Variants in C20orf203 observed in about 807,000 individuals in gnomAD.
C20orf203 encodes uncharacterized protein C20orf203.
A neutral mutation model predicts 15.9 loss-of-function variants in C20orf203; 16 were observed. The ratio of observed to expected loss-of-function variants is 1.01; its 90% confidence interval spans 0.68 to 1.53. The LOEUF (loss-of-function observed/expected upper bound fraction) is 1.53, where lower values mean the gene tolerates loss of function less well. Ranked by LOEUF, C20orf203 falls within the 40% of genes most tolerant of loss-of-function variation. The pLI is 0.00. For missense variants in C20orf203, 263 were observed against 247.5 expected (o/e 1.06, Z -0.42); for synonymous variants, 98 against 97.2 (o/e 1.01, Z -0.05).
At chr20:32,663,199 C>T (rs960678708) in intron 1 of C20orf203, among the ~76,000 whole-genome samples, 6 of 151,966 alleles carry the variant, frequency 3.9e-5, no homozygotes, top group African/African-American at 7.2e-5. Context: ...CCACCCACCT[C>T]GGCCTCCCGA....
chr20:32,658,823 G>A (rs1453178831), intron 1 of C20orf203, among the ~76,000 whole-genome samples: 1 of 151,956 alleles, frequency 6.6e-6, no homozygotes, highest in African/African-American at 2.4e-5. Context: ...TTGGCGTCCA[G>A]GGCTGATTCA....
chr20:32,640,928 AT>A (rs1296469872), intron 4 of C20orf203, among the ~76,000 whole-genome samples: 1 of 152,108 alleles, frequency 6.6e-6, no homozygotes, highest in African/African-American at 2.4e-5. Context: ...ACTTGGCATA[AT>A]GTTCTCAAGC....
At chr20:32,659,310 A>T (rs1489132060) in intron 1 of C20orf203, among the ~76,000 whole-genome samples, 1 of 152,198 alleles carries the variant, frequency 6.6e-6, no homozygotes, top group Non-Finnish European at 1.5e-5. Context: ...ACAATTCACC[A>T]AGGAGGAGAA....
At chr20:32,634,971 G>A (rs111774061) in intron 5 of C20orf203, among the ~76,000 whole-genome samples, 29,116 of 150,976 alleles carry the variant, frequency 0.19, 3,452 homozygotes, top group Middle Eastern at 0.27. Flanking sequence ...AGGCCAAGGT[G>A]GGCGGATCAC....
chr20:32,658,631 T>C (rs1982817567), intron 1 of C20orf203, among the ~76,000 whole-genome samples: 1 of 152,178 alleles, frequency 6.6e-6, no homozygotes, highest in African/African-American at 2.4e-5. Context: ...AATTTTCCAA[T>C]TTTTGTTACT....
rs1046928733 is a variant in C20orf203 at position 32,650,623 on chromosome 20, G to A, written c.394C>T (p.Arg132Trp). 38 of 1,179,654 alleles carry A rather than the reference G, an allele frequency of 3.2e-5. No homozygotes were observed. Among genetic ancestry groups the A allele is most frequent in the Middle Eastern group, 3.9e-4 (2 of 5,146 alleles). 73.1% of individuals were successfully genotyped at this position (1,179,654 alleles called of 1,614,324 possible). Residue 132 changes from arginine (R) to tryptophan (W), a missense_variant, in exon 4 of 6, where the codon CGG (arginine) becomes TGG (tryptophan). Arg to Trp is a moderately radical substitution (Grantham distance 101, BLOSUM62 -3). Coordinates refer to ENST00000608990, the MANE Select transcript of C20orf203 (RefSeq NM_182584.4). ...GGCATCCCTCCCATTGCCCTCCCCC[G>A]CCCAGCAGGGGCCCGCAGCCCCCTC... ...VGRGLRAPAG[R>W]GRAMGGMPRM...
intron 1 of C20orf203, among the ~76,000 whole-genome samples, chr20:32,670,197 T>C (rs908663427): frequency 1.5e-5 from 2 of 129,980 alleles, no homozygotes; most frequent in Non-Finnish European, 3.2e-5. Flanking sequence ...GTAACAACAG[T>C]GAAACTGCGT....
chr20:32,665,587 G>C (rs1282554723), intron 1 of C20orf203, among the ~76,000 whole-genome samples: 1 of 152,200 alleles, frequency 6.6e-6, no homozygotes, highest in Non-Finnish European at 1.5e-5. Flanking sequence ...GGTGTGGCTA[G>C]AACAGCGCTG....
At chr20:32,640,102 T>C (rs1020455974) in intron 5 of C20orf203, among the ~76,000 whole-genome samples, 1 of 152,162 alleles carries the variant, frequency 6.6e-6, no homozygotes, top group Non-Finnish European at 1.5e-5. Flanking sequence ...GATGTGTATT[T>C]ATTGACATCA....
At chr20:32,651,344 A>T (rs915794847) in intron 2 of C20orf203, among the ~76,000 whole-genome samples, 178 bp from the exon 3 acceptor site, 23 of 122,498 alleles carry the variant, frequency 1.9e-4, no homozygotes, top group Non-Finnish European at 4.3e-4. Context: ...GCGAAACCCT[A>T]TTCAAAAAAA....
intron 3 of C20orf203, 33 bp downstream of exon 3, chr20:32,650,985 C>T (rs1453152120): frequency 6.9e-7 from 1 of 1,452,724 alleles, no homozygotes; most frequent in African/African-American, 1.4e-5. Context: ...CAGTGTCAGC[C>T]CAGGTGTGGG....
intron 1 of C20orf203, among the ~76,000 whole-genome samples, chr20:32,666,156 A>AAAAAAAAAAAAAAAAAAAAAAG (rs1983018412): frequency 1.1e-4 from 3 of 26,150 alleles, no homozygotes; most frequent in African/African-American, 3.3e-4. Flanking sequence ...TAAATAAAGT[A>AAAAAAAAAAAAAAAAAAAAAAG]AAAAAAAAAA....
intron 4 of C20orf203, among the ~76,000 whole-genome samples, chr20:32,645,551 C>T (rs113121996): frequency 2.4e-4 from 37 of 152,374 alleles, no homozygotes; most frequent in Middle Eastern, 3.4e-3. Flanking sequence ...CACTCCTCTC[C>T]TGCGAGACCT....
intron 5 of C20orf203, among the ~76,000 whole-genome samples, chr20:32,639,627 TAAAAAA>T (rs11353903): frequency 7.7e-6 from 1 of 129,246 alleles, no homozygotes; most frequent in Non-Finnish European, 1.6e-5. Context: ...TTTTAAATAG[TAAAAAA>T]AAAAAAAAAA....
Position 32,650,232 on chromosome 20 carries a change from T to C in C20orf203, c.*200A>G. The C allele has an allele frequency of 1.7e-6, 1 of 584,210 alleles. No homozygotes were observed. The highest frequency in any genetic ancestry group is 3.0e-6 in the Non-Finnish European group (1 of 327,932). The allele number at this position is 584,210 out of a possible 1,614,324, so 36.2% of individuals were successfully genotyped here. On this transcript the variant is annotated 3_prime_UTR_variant, in exon 4 of 6. Coordinates refer to ENST00000608990, the MANE Select transcript of C20orf203 (RefSeq NM_182584.4). ...GCCAGCCTGGCACAGCCTCGGTCCC[T>C]AATCATGTTTGCTGAATGCCTTGAA... is the stretch of plus-strand genomic sequence containing the variant.
intron 1 of C20orf203, among the ~76,000 whole-genome samples, chr20:32,667,107 C>T (rs1207540403): frequency 1.3e-5 from 2 of 151,974 alleles, no homozygotes; most frequent in Admixed American, 6.6e-5. Flanking sequence ...GCTCAGCAGC[C>T]ACAGATGGTC....
At position 32,666,797 on chromosome 20, in the gene C20orf203, T is replaced by TTTTA. The variant is rs367964394; in HGVS notation, c.-264+6834_-264+6835insTAAA. Among the ~76,000 whole-genome samples the TTTTA allele has an allele frequency of 1.4e-3, 93 of 65,612 alleles. 14 individuals carry two copies. The highest frequency in any genetic ancestry group is 2.6e-3 in the Non-Finnish European group (73 of 27,982). The allele number at this position is 65,612 out of a possible 152,430, so 43.0% of individuals were successfully genotyped here. A position where few individuals can be genotyped will look rare whatever the true frequency, so the allele number is the denominator to read the frequency against. ...AAAAAAAGATGAAATTAATTTTAATTTATATATATATATATATATATATAT... is the reference window on the plus strand; with the variant it reads ...AAAAAAAGATGAAATTAATTTTAATTTTTATATATATATATATATATATATATAT... On this transcript the variant is annotated intron_variant, in intron 1 of 5. Coordinates refer to ENST00000608990, the MANE Select transcript of C20orf203 (RefSeq NM_182584.4).
At chr20:32,644,434 C>G (rs548164273) in intron 4 of C20orf203, among the ~76,000 whole-genome samples, 1 of 152,156 alleles carries the variant, frequency 6.6e-6, no homozygotes, top group South Asian at 2.1e-4. Flanking sequence ...GGCGACAGAG[C>G]GAGACTCCAT....
intron 1 of C20orf203, among the ~76,000 whole-genome samples, chr20:32,669,404 T>C (rs1983110216): frequency 6.6e-6 from 1 of 152,244 alleles, no homozygotes; most frequent in South Asian, 2.1e-4. Flanking sequence ...GTAAGAGCCA[T>C]GTGTGTACTT....
Sources: allele counts gnomAD v4.1 joint callset (sites outside exome capture counted in the v4.1 genomes callset), GRCh38; gene constraint gnomAD v4.1.1; transcripts MANE v1.5; gene names NCBI Gene and HGNC (gene_info 2026-07-23, HGNC 2026-07-21).